Variants in DAB2IP observed in about 807,000 individuals in gnomAD.
DAB2IP encodes disabled homolog 2-interacting protein.
DAB2IP carries 28 observed loss-of-function variants against 107.2 expected under a neutral mutation model. The ratio of observed to expected loss-of-function variants is 0.26; its 90% CI spans 0.19 to 0.36. The LOEUF (loss-of-function observed/expected upper bound fraction) is 0.36, where lower values mean the gene tolerates loss of function less well. Ranked by LOEUF, DAB2IP falls within the 10% of genes least tolerant of loss-of-function variation. The pLI is 1.00. For missense variants in DAB2IP, 1,400 were observed against 1,644.7 expected (o/e 0.85, Z 2.57); for synonymous variants, 755 against 706.4 (o/e 1.07, Z -1.09).
rs1426019134 is a variant in DAB2IP, at chr9:121,641,957, T to TC, written c.41-36720dup. On this transcript the variant is annotated intron_variant, in intron 1 of 16. Transcript: ENST00000259371. ...TCTTTCTCTCTTTCTTTCCTTTCTTTCTTTCTCTCTCTCTCTTTCTTTCTT... is the reference window on the plus strand; with the variant it reads ...TCTTTCTCTCTTTCTTTCCTTTCTTTCCTTTCTCTCTCTCTCTTTCTTTCTT... 5.2e-4 allele frequency among the ~76,000 whole-genome samples: 53 copies of TC among 101,690 alleles called. 1 individual carries two copies. The highest frequency in any genetic ancestry group is 8.8e-4 in the Admixed American group (8 of 9,086). The allele number at this position is 101,690 out of a possible 152,430, so 66.7% of individuals were successfully genotyped here.
intron 3 of DAB2IP, among the ~76,000 whole-genome samples, chr9:121,729,301 C>G (rs1385993039): frequency 6.6e-6 from 1 of 152,208 alleles, no homozygotes; most frequent in Non-Finnish European, 1.5e-5. Flanking sequence ...GTGTTCTCAC[C>G]CTTTATCTCT....
rs531471382 is a variant in DAB2IP at position 121,719,399 on chromosome 9, A to G, written c.362+19941A>G. 5.9e-5 allele frequency among the ~76,000 whole-genome samples: 9 copies of G among 152,326 alleles called. No individual in the cohort carries two copies. In the South Asian group the frequency reaches 1.9e-3, roughly 32 times the overall value. ...GCTTGAAAGAGGATGGGTTCATCAC[A>G]TAACCAAGGCAGGGAAGGGCATTTA... On this transcript the variant is annotated intron_variant, in intron 3 of 15. Transcript: ENST00000408936.
chr9:121,698,938 G>C lies in DAB2IP; in HGVS notation c.229-387G>C, dbSNP rs1364830824. Among the ~76,000 whole-genome samples, 1 of 151,904 alleles carries C rather than the reference G, an allele frequency of 6.6e-6. No individual in the cohort carries two copies. The highest frequency in any genetic ancestry group is 1.5e-5 in the Non-Finnish European group (1 of 67,890). On this transcript the variant is annotated intron_variant, in intron 2 of 15. Transcript: ENST00000408936. The surrounding 1 kb of genome is among the most constrained non-coding windows in gnomAD (Gnocchi z 4.1). ...CGGCAGGGAGGTGAGCGGGGCGGCC[G>C]GCCCTGGCGGTCCCCGGGGGTCTCC... is the stretch of plus-strand genomic sequence containing the variant.
At chr9:121,651,584 C>G, upstream of DAB2IP, 1 of 929,906 alleles carries the variant, frequency 1.1e-6, no homozygotes, top group Non-Finnish European at 1.3e-6. This position sits in a 1 kb window ranked among gnomAD's most constrained non-coding sequence, Gnocchi z 5.1. Context: ...GCCGCGGGGC[C>G]GGCTGCTCGG....
chr9:121,697,428 C>T (rs929246038), intron 2 of DAB2IP, among the ~76,000 whole-genome samples: 3 of 152,204 alleles, frequency 2.0e-5, no homozygotes, highest in Non-Finnish European at 4.4e-5. Flanking sequence ...GTGCAGCCCC[C>T]TCTCCTATAG....
chr9:121,763,222 G>T (rs558575140), intron 6 of DAB2IP, among the ~76,000 whole-genome samples: 18 of 152,178 alleles, frequency 1.2e-4, no homozygotes, highest in Non-Finnish European at 2.5e-4. Context: ...GGTGGTGGGG[G>T]CTTGTGGCTC....
intron 1 of DAB2IP, among the ~76,000 whole-genome samples, chr9:121,630,215 G>A (rs1203479921): frequency 6.6e-6 from 1 of 152,142 alleles, no homozygotes; most frequent in Non-Finnish European, 1.5e-5. Context: ...ATAGTTATTA[G>A]CCCCAGATCT....
chr9:121,581,302 T>C (rs1416881429), intron 1 of DAB2IP, among the ~76,000 whole-genome samples: 2 of 152,152 alleles, frequency 1.3e-5, no homozygotes, highest in Non-Finnish European at 2.9e-5. Context: ...CAGCCTCCAG[T>C]TCCCTGTTTA....
chr9:121,763,771 A>T (rs757425324), exon 8 of DAB2IP: 1 of 1,614,106 alleles, frequency 6.2e-7, no homozygotes, highest in Admixed American at 1.7e-5. Flanking sequence ...TCAGATGAGA[A>T]CTGCGAAGTG....
chr9:121,639,636 G>A (rs577215453), intron 1 of DAB2IP, among the ~76,000 whole-genome samples: 2 of 152,286 alleles, frequency 1.3e-5, no homozygotes, highest in South Asian at 4.2e-4. Context: ...TGTTCAAACT[G>A]GGTGTTCTCC....
chr9:121,595,135 G>A (rs1250577591), intron 1 of DAB2IP, among the ~76,000 whole-genome samples: 1 of 152,024 alleles, frequency 6.6e-6, no homozygotes, highest in African/African-American at 2.4e-5. Context: ...CAGTCTTTGT[G>A]CTAGGTATTT....
intron 2 of DAB2IP, among the ~76,000 whole-genome samples, chr9:121,687,767 A>G (rs899873916): frequency 1.3e-5 from 2 of 152,206 alleles, no homozygotes; most frequent in Non-Finnish European, 2.9e-5. Context: ...ATCAAGGCAG[A>G]TGGGGAGTGA....
At position 121,708,498 on chromosome 9, in the gene DAB2IP, A is replaced by G. The variant is rs1564170952; in HGVS notation, c.362+9040A>G. ...CCTGGGTCTCCTGAGGGTGCTTGGA[A>G]CAGTCAGGGCATTCATGACTGATCT... On this transcript the variant is annotated intron_variant, in intron 3 of 15. Coordinates refer to ENST00000408936, the Ensembl canonical transcript of DAB2IP. Among the ~76,000 whole-genome samples, 4 of 152,196 alleles carry G rather than the reference A, an allele frequency of 2.6e-5. No individual in the cohort carries two copies. The South Asian group carries it at 8.3e-4, about 32-fold the overall frequency.
At chr9:121,593,023 C>A (rs1830448076) in intron 1 of DAB2IP, among the ~76,000 whole-genome samples, 1 of 152,144 alleles carries the variant, frequency 6.6e-6, no homozygotes, top group Non-Finnish European at 1.5e-5. Context: ...ATATTTTTGA[C>A]CTTCTCATCT....
At chr9:121,761,163 T>C (rs1564209694) in intron 6 of DAB2IP, among the ~76,000 whole-genome samples, 1 of 152,138 alleles carries the variant, frequency 6.6e-6, no homozygotes, top group Non-Finnish European at 1.5e-5. Context: ...TGGGGACAAA[T>C]GGGCTCCTGG....
chr9:121,674,055 C>T (rs190923923), intron 1 of DAB2IP, among the ~76,000 whole-genome samples: 1 of 152,190 alleles, frequency 6.6e-6, no homozygotes, highest in African/African-American at 2.4e-5. Flanking sequence ...GTGCAGGACC[C>T]CAAAGCTAGG....
chr9:121,618,079 C>G (rs1187781184), intron 1 of DAB2IP, among the ~76,000 whole-genome samples: 1 of 152,148 alleles, frequency 6.6e-6, no homozygotes, highest in Non-Finnish European at 1.5e-5. Context: ...GACAGAAGGC[C>G]CCCCTCAAGC....
chr9:121,674,079 G>T (rs979347575), intron 1 of DAB2IP, among the ~76,000 whole-genome samples: 2 of 152,236 alleles, frequency 1.3e-5, no homozygotes, highest in African/African-American at 4.8e-5. Context: ...AGCGGGGGCT[G>T]CTTCCCTGAG....
chr9:121,755,068 C>T (rs1235112327), intron 3 of DAB2IP, among the ~76,000 whole-genome samples: 11 of 152,170 alleles, frequency 7.2e-5, no homozygotes, highest in African/African-American at 2.7e-4. Context: ...GGCCTGGAGT[C>T]CACCCTGGGA....
Sources: allele counts gnomAD v4.1 joint callset (sites outside exome capture counted in the v4.1 genomes callset), GRCh38; gene constraint gnomAD v4.1.1; non-coding constraint Gnocchi (gnomAD v3.1); transcripts MANE v1.5; gene names NCBI Gene and HGNC (gene_info 2026-07-23, HGNC 2026-07-21).